VPS13B: variants seen among roughly 807,000 people sequenced by gnomAD.
The protein encoded by VPS13B is intermembrane lipid transfer protein VPS13B.
Under a neutral mutation model 426.4 loss-of-function variants are expected in VPS13B, and 285 were observed. That is an observed-to-expected ratio of 0.67 (90% CI 0.61 to 0.74). VPS13B has a LOEUF of 0.74. Ranked by LOEUF, VPS13B falls within the 30% of genes least tolerant of loss-of-function variation. The probability of loss-of-function intolerance (pLI) is 0.00; values close to 1 mark genes in which losing one functional copy is unlikely to be tolerated. For synonymous variants in VPS13B, 1,676 were observed against 1,676.4 expected (o/e 1.00, Z 0.01); for missense variants, 4,537 against 4,782.6 (o/e 0.95, Z 1.51).
rs55928894 is a variant in VPS13B at position 99,360,202 on chromosome 8, C to G, written c.2825-24006C>G. Among the ~76,000 whole-genome samples the G allele has an allele frequency of 2.0e-3, 84 of 41,190 alleles. 1 individual carries two copies. Among genetic ancestry groups the G allele is most frequent in the Non-Finnish European group, 3.7e-3 (75 of 20,176 alleles). The allele number at this position is 41,190 out of a possible 152,430, so 27.0% of individuals were successfully genotyped here. A position where few individuals can be genotyped will look rare whatever the true frequency, so the allele number is the denominator to read the frequency against. The stretch of plus-strand genomic sequence containing the variant: ...TCTTTCTTTCTTTCTCTCTCTCTCT[C>G]TCTCTCTCTTTCTTTCTTTCTTTCT... On this transcript the variant is annotated intron_variant, in intron 19 of 61. Coordinates refer to ENST00000357162, the MANE Select transcript of VPS13B (RefSeq NM_152564.5).
Position 99,556,619 on chromosome 8 carries a change from C to A in VPS13B, c.4915C>A (p.Gln1639Lys), listed in dbSNP as rs1217378366. 1 of 1,612,886 alleles carries A rather than the reference C, an allele frequency of 6.2e-7. No individual in the cohort carries two copies. Among genetic ancestry groups the A allele is most frequent in the African/African-American group, 1.3e-5 (1 of 74,852 alleles). The change falls in exon 31 of 62, where the codon CAA (glutamine) becomes AAA (lysine). Residue 1639 changes from glutamine (Q) to lysine (K), a missense_variant. Physicochemically the swap from Gln to Lys is moderately conservative, Grantham distance 53. This residue lies in a region of VPS13B where 4,311 missense variants were observed against 4,474.3 expected (regional missense o/e 0.96). Transcript: ENST00000357162. ...GVVTETERNS[Q>K]NPALEWNMAS... ...GGTAACAGAGACTGAAAGGAATTCT[C>A]AAAATCCAGCCCTTGAGTGGAATAT...
chr8:99,088,617 T>C (rs1372022738), intron 3 of VPS13B, among the ~76,000 whole-genome samples: 1 of 152,224 alleles, frequency 6.6e-6, no homozygotes, highest in East Asian at 1.9e-4. Context: ...TTCTAAACTT[T>C]TATAATAATC....
At chr8:99,577,837 C>T (rs534935408) in intron 33 of VPS13B, 1 of 695,078 alleles carries the variant, frequency 1.4e-6, no homozygotes, top group African/African-American at 1.8e-5. Flanking sequence ...TTATCATGTA[C>T]CTTTGCAAAA....
intron 3 of VPS13B, among the ~76,000 whole-genome samples, chr8:99,063,481 C>T (rs189963726): frequency 6.6e-6 from 1 of 152,336 alleles, no homozygotes; most frequent in African/African-American, 2.4e-5. Context: ...GTGCAGCAGT[C>T]TGAGATCGAC....
chr8:99,341,278 C>G (rs1030737046), intron 19 of VPS13B: 1 of 168,878 alleles, frequency 5.9e-6, no homozygotes, highest in African/African-American at 2.4e-5. Flanking sequence ...GTGGAAGTCT[C>G]ATTAACTGTT....
intron 23 of VPS13B, among the ~76,000 whole-genome samples, chr8:99,466,538 A>G (rs1819122042): frequency 6.6e-6 from 1 of 152,134 alleles, no homozygotes; most frequent in Non-Finnish European, 1.5e-5. Context: ...TATTTACAAG[A>G]AATAAATGGC....
rs777015545 is a variant in VPS13B at position 99,121,346 on chromosome 8, C to T, written c.1107C>T (p.Asn369=). Residue 369 remains asparagine (N), a synonymous_variant, in exon 8 of 62, where the codon AAC becomes AAT. Transcript: ENST00000357162. ...ATGGCGAGGAAGACTTTGTTGGGAA[C>T]GATCCTGCATCAACCATGCATCAAC... ...YDDGEEDFVG[N]DPASTMHQQK... 15 of 1,614,018 alleles carry T rather than the reference C, an allele frequency of 9.3e-6. No homozygotes were observed. Among genetic ancestry groups the T allele is most frequent in the East Asian group, 2.2e-5 (1 of 44,886 alleles).
chr8:99,129,829 C>A (rs1001802274), intron 8 of VPS13B, among the ~76,000 whole-genome samples: 2 of 151,994 alleles, frequency 1.3e-5, no homozygotes, highest in Non-Finnish European at 2.9e-5. Context: ...TTTATCCAAC[C>A]TGGGCAACAT....
At chr8:99,830,578 T>C (rs1814983809) in intron 51 of VPS13B, among the ~76,000 whole-genome samples, 1 of 152,132 alleles carries the variant, frequency 6.6e-6, no homozygotes, top group Admixed American at 6.5e-5. Flanking sequence ...CTTGGCTCCA[T>C]GGCTTAAGCC....
At chr8:99,274,482 G>C in intron 18 of VPS13B, 150 bp downstream of exon 18, 1 of 1,273,368 alleles carries the variant, frequency 7.9e-7, no homozygotes, top group East Asian at 2.5e-5. Flanking sequence ...TTCTAATTGT[G>C]CCAGGATGGT....
intron 47 of VPS13B, 53 bp downstream of exon 47, chr8:99,818,941 A>G: frequency 6.8e-7 from 1 of 1,467,658 alleles, no homozygotes; most frequent in African/African-American, 1.4e-5. Context: ...GAAATTAAGT[A>G]GAAAAGTAAC....
At chr8:99,566,401 A>C (rs1188415739) in intron 31 of VPS13B, among the ~76,000 whole-genome samples, 1 of 151,914 alleles carries the variant, frequency 6.6e-6, no homozygotes, top group Admixed American at 6.6e-5. Context: ...CCAACTGACC[A>C]AAGCCCTAAA....
At chr8:99,649,193 T>G (rs1829708040) in intron 34 of VPS13B, among the ~76,000 whole-genome samples, 1 of 152,148 alleles carries the variant, frequency 6.6e-6, no homozygotes, top group Non-Finnish European at 1.5e-5. Context: ...GTGTCTGGAC[T>G]TGGTTTCTTT....
intron 20 of VPS13B, among the ~76,000 whole-genome samples, chr8:99,391,088 A>T (rs1475526758): frequency 6.6e-6 from 1 of 152,208 alleles, no homozygotes; most frequent in East Asian, 1.9e-4. Context: ...ATCAGTTTGT[A>T]AAAGTATGTT....
intron 17 of VPS13B, among the ~76,000 whole-genome samples, chr8:99,195,688 T>C (rs1478293901): frequency 2.6e-5 from 4 of 152,356 alleles, no homozygotes; most frequent in Admixed American, 2.6e-4. Flanking sequence ...TAGATTTACG[T>C]TTCAGATCTT....
chr8:99,765,476 A>G (rs535814924), intron 39 of VPS13B, among the ~76,000 whole-genome samples: 37 of 152,288 alleles, frequency 2.4e-4, no homozygotes, highest in African/African-American at 8.9e-4. Flanking sequence ...GCAAGCTAGT[A>G]AGTTATCTTG....
chr8:99,167,058 C>T (rs1182774393), intron 15 of VPS13B, among the ~76,000 whole-genome samples: 1 of 152,110 alleles, frequency 6.6e-6, no homozygotes, highest in Non-Finnish European at 1.5e-5. Context: ...GTATCATATC[C>T]TTGTTACATC....
intron 3 of VPS13B, among the ~76,000 whole-genome samples, chr8:99,053,281 C>G (rs1275416680): frequency 2.0e-5 from 3 of 152,056 alleles, no homozygotes; most frequent in Non-Finnish European, 4.4e-5. Flanking sequence ...CTAATGCTAT[C>G]CCTCCCCGCT....
intron 15 of VPS13B, among the ~76,000 whole-genome samples, chr8:99,163,545 T>C (rs1811805202): frequency 6.6e-6 from 1 of 152,056 alleles, no homozygotes; most frequent in Non-Finnish European, 1.5e-5. Context: ...CCCTGCCCCG[T>C]GGGAAGGCAG....
Sources: allele counts gnomAD v4.1 joint callset (sites outside exome capture counted in the v4.1 genomes callset), GRCh38; gene constraint gnomAD v4.1.1; regional missense constraint gnomAD v4.1.1; transcripts MANE v1.5; gene names NCBI Gene and HGNC (gene_info 2026-07-23, HGNC 2026-07-21).